SPAG16: variants seen among roughly 807,000 people sequenced by gnomAD.
The protein encoded by SPAG16 is sperm-associated antigen 16 protein.
In SPAG16, 86 loss-of-function variants were observed where a neutral mutation model predicts 80.4. The ratio of observed to expected loss-of-function variants is 1.07; its 90% CI spans 0.90 to 1.28. The LOEUF is 1.28. Among genes scored for constraint, SPAG16 ranks in the 50% most tolerant of loss-of-function variants. The probability of loss-of-function intolerance (pLI) is 0.00; values close to 1 mark genes in which losing one functional copy is unlikely to be tolerated. For synonymous variants in SPAG16, 294 were observed against 265.9 expected (o/e 1.11, Z -1.03); for missense variants, 870 against 765.3 (o/e 1.14, Z -1.61).
chr2:213,355,890 G>A (rs931011665), intron 7 of SPAG16, among the ~76,000 whole-genome samples: 1 of 151,270 alleles, frequency 6.6e-6, no homozygotes, highest in Admixed American at 6.6e-5. Flanking sequence ...GGCCAGAACT[G>A]CCAACTTCCA....
rs564272770 is a variant in SPAG16 at position 213,650,575 on chromosome 2, A to G, written c.1070+160485A>G. ...AACAATACTTGTTATATGTGTGTGC[A>G]TGTATTTGTGTGTGTGTTCATATAA... On this transcript the variant is annotated intron_variant, in intron 10 of 15. Coordinates refer to ENST00000331683, the MANE Select transcript of SPAG16 (RefSeq NM_024532.5). Among the ~76,000 whole-genome samples, 204 of 152,304 alleles carry G rather than the reference A, an allele frequency of 1.3e-3. 1 individual carries two copies. Among genetic ancestry groups the G allele is most frequent in the Non-Finnish European group, 2.5e-4 (17 of 68,016 alleles).
At chr2:213,739,462 A>G (rs1164907744) in intron 10 of SPAG16, among the ~76,000 whole-genome samples, 1 of 152,242 alleles carries the variant, frequency 6.6e-6, no homozygotes, top group East Asian at 1.9e-4. Context: ...ATAGATATCC[A>G]CAAGTTTATC....
chr2:213,691,549 G>C (rs2064944950), intron 10 of SPAG16, among the ~76,000 whole-genome samples: 1 of 152,052 alleles, frequency 6.6e-6, no homozygotes, highest in Non-Finnish European at 1.5e-5. Flanking sequence ...CTGTAAGTGA[G>C]AGCCAACTAG....
chr2:214,097,600 G>C (rs754682251), intron 13 of SPAG16, among the ~76,000 whole-genome samples: 6 of 151,942 alleles, frequency 3.9e-5, no homozygotes, highest in Non-Finnish European at 7.4e-5. Context: ...TACCTTGAAA[G>C]GGTGGAGGTC....
At chr2:213,394,858 T>A (rs2067954364) in intron 9 of SPAG16, among the ~76,000 whole-genome samples, 1 of 152,090 alleles carries the variant, frequency 6.6e-6, no homozygotes. Context: ...GGACTTGGGA[T>A]TTTTTGGATG....
At chr2:213,592,737 G>A (rs536547857) in intron 10 of SPAG16, among the ~76,000 whole-genome samples, 29 of 152,260 alleles carry the variant, frequency 1.9e-4, no homozygotes, top group South Asian at 6.2e-4. Flanking sequence ...TGGTGCTAAT[G>A]AAGTTCCTTG....
intron 10 of SPAG16, among the ~76,000 whole-genome samples, chr2:213,794,329 C>T (rs942482953): frequency 7.9e-5 from 12 of 152,100 alleles, no homozygotes; most frequent in African/African-American, 2.7e-4. Flanking sequence ...CTTATATGCA[C>T]ATTGTACAGT....
At chr2:213,807,210 T>G (rs1022061307) in intron 10 of SPAG16, among the ~76,000 whole-genome samples, 1 of 152,214 alleles carries the variant, frequency 6.6e-6, no homozygotes, top group Non-Finnish European at 1.5e-5. Context: ...GGATCTTTCC[T>G]TGACTCATTT....
chr2:213,492,279 T>C (rs182597807), intron 10 of SPAG16, among the ~76,000 whole-genome samples: 22 of 152,204 alleles, frequency 1.4e-4, no homozygotes, highest in East Asian at 3.9e-4. Flanking sequence ...AGTGGCCGGG[T>C]GTGGTGGCTC....
intron 13 of SPAG16, among the ~76,000 whole-genome samples, chr2:214,062,695 G>C (rs1402257066): frequency 8.6e-6 from 1 of 115,674 alleles, no homozygotes; most frequent in South Asian, 2.5e-4. Flanking sequence ...TTTAGTCTCT[G>C]CTCTCTTATA....
chr2:213,839,771 T>C (rs1393093155), intron 10 of SPAG16, among the ~76,000 whole-genome samples: 1 of 152,196 alleles, frequency 6.6e-6, no homozygotes, highest in East Asian at 1.9e-4. Flanking sequence ...TCAGGGTTTT[T>C]ATTATGCTAC....
At chr2:214,153,318 T>G (rs917785125) in intron 15 of SPAG16, among the ~76,000 whole-genome samples, 3 of 152,140 alleles carry the variant, frequency 2.0e-5, no homozygotes, top group African/African-American at 7.2e-5. Flanking sequence ...TATCTCTGTA[T>G]GGCCTGGTTT....
intron 10 of SPAG16, among the ~76,000 whole-genome samples, chr2:213,766,622 C>A (rs548370602): frequency 6.6e-6 from 1 of 151,988 alleles, no homozygotes; most frequent in Non-Finnish European, 1.5e-5. Flanking sequence ...GTCTCAGTGT[C>A]GAGAAAGCAC....
intron 10 of SPAG16, among the ~76,000 whole-genome samples, chr2:213,535,984 A>C (rs1297138614): frequency 1.3e-5 from 2 of 152,178 alleles, no homozygotes; most frequent in African/African-American, 4.8e-5. Context: ...TTTACAATTA[A>C]ATGTTAAAGG....
At chr2:214,076,010 T>C (rs6715771) in intron 13 of SPAG16, among the ~76,000 whole-genome samples, 21,473 of 152,178 alleles carry the variant, frequency 0.14, 1,643 homozygotes, top group African/African-American at 0.16. Flanking sequence ...TATGTCTATA[T>C]TTGAATGCAT....
chr2:214,120,648 C>T (rs866121099), intron 14 of SPAG16, among the ~76,000 whole-genome samples: 2 of 151,724 alleles, frequency 1.3e-5, no homozygotes, highest in East Asian at 3.9e-4. Flanking sequence ...AAATGTTCTC[C>T]TCTCTTGAGC....
chr2:214,395,107 T>C (rs1701293556), intron 15 of SPAG16, among the ~76,000 whole-genome samples: 5 of 152,186 alleles, frequency 3.3e-5, no homozygotes, highest in Admixed American at 3.3e-4. Context: ...TTAATTCACT[T>C]ACTGAAGGAC....
chr2:214,006,592 AAAGAT>A (rs1294861481), intron 12 of SPAG16, among the ~76,000 whole-genome samples: 1 of 152,254 alleles, frequency 6.6e-6, no homozygotes, highest in Non-Finnish European at 1.5e-5. Flanking sequence ...GATAGAAAAA[AAAGAT>A]AAGAAACAGA....
chr2:213,399,358 G>A (rs1559090636), intron 9 of SPAG16, among the ~76,000 whole-genome samples: 1 of 151,900 alleles, frequency 6.6e-6, no homozygotes, highest in Non-Finnish European at 1.5e-5. Context: ...TAAGTGATTG[G>A]TAATTTTATC....
Sources: gnomAD v4.1 joint callset for allele counts (sites outside exome capture counted in the v4.1 genomes callset) on GRCh38, gnomAD v4.1.1 for gene constraint, MANE v1.5 for transcripts, NCBI Gene and HGNC (gene_info 2026-07-23, HGNC 2026-07-21) for gene names.